The following TRAPPC9 variants were observed in gnomAD, a reference collection of about 807,000 sequenced individuals.
TRAPPC9 encodes the protein trafficking protein particle complex subunit 9, also known as IKK2 binding protein.
TRAPPC9 carries 83 observed loss-of-function variants against 124.0 expected under a neutral mutation model. The ratio of observed to expected loss-of-function variants is 0.67; its 90% CI spans 0.56 to 0.80. TRAPPC9 has a LOEUF of 0.80. Among genes scored for constraint, TRAPPC9 ranks in the 30% least tolerant of loss-of-function variants. The pLI, the probability that TRAPPC9 is intolerant of heterozygous loss-of-function variation, is 0.00. For synonymous variants in TRAPPC9, 638 were observed against 617.5 expected (o/e 1.03, Z -0.49); for missense variants, 1,302 against 1,508.3 (o/e 0.86, Z 2.27).
chr8:140,345,810 C>T lies in TRAPPC9; in HGVS notation c.1495+14240G>A, dbSNP rs772428926. 9.9e-5 allele frequency among the ~76,000 whole-genome samples: 15 copies of T among 152,150 alleles called. No individual in the cohort carries two copies. In the East Asian group the frequency reaches 2.5e-3, roughly 25 times the overall value. ...AGACCTCAGGTTCCTGCAGTCACCA[C>T]GGAAGGGGTCACGGGAGCAGGAAGG... On this transcript the variant is annotated intron_variant, in intron 9 of 22. Transcript: ENST00000438773.
chr8:139,863,530 G>A (rs1158359710), intron 21 of TRAPPC9, among the ~76,000 whole-genome samples: 1 of 152,238 alleles, frequency 6.6e-6, no homozygotes, highest in Non-Finnish European at 1.5e-5. Flanking sequence ...TAACAGGTCA[G>A]GCTCGGGACC....
At chr8:140,389,393 A>C (rs4736178) in intron 7 of TRAPPC9, among the ~76,000 whole-genome samples, 4 of 152,028 alleles carry the variant, frequency 2.6e-5, no homozygotes, top group African/African-American at 9.7e-5. Context: ...AATCCCTCAT[A>C]GGGGGGGTTA....
At chr8:139,971,772 T>C (rs1217468671) in intron 19 of TRAPPC9, among the ~76,000 whole-genome samples, 33 of 34,290 alleles carry the variant, frequency 9.6e-4, no homozygotes, top group African/African-American at 2.9e-3. Context: ...CACATATATA[T>C]ATACACACAC....
Position 140,104,832 on chromosome 8 carries a change from A to T in TRAPPC9, c.2557-80753T>A, listed in dbSNP as rs1217770113. Among the ~76,000 whole-genome samples, 1 of 152,218 alleles carries T rather than the reference A, an allele frequency of 6.6e-6. No homozygotes were observed. Among genetic ancestry groups the T allele is most frequent in the Non-Finnish European group, 1.5e-5 (1 of 68,036 alleles). Reference sequence around the variant, plus strand: ...ATTTCCCAGAGTTGCCTCGAACTGAAGCCTTACTTCCTCTTTCTAACCCTT... The same window carrying T: ...ATTTCCCAGAGTTGCCTCGAACTGATGCCTTACTTCCTCTTTCTAACCCTT... On this transcript the variant is annotated intron_variant, in intron 17 of 22. Transcript: ENST00000438773. This position sits in a 1 kb window ranked among gnomAD's most constrained non-coding sequence, Gnocchi z 4.0.
At chr8:139,732,830 C>G (rs1451502458) in intron 21 of TRAPPC9, among the ~76,000 whole-genome samples, 1 of 152,172 alleles carries the variant, frequency 6.6e-6, no homozygotes, top group Non-Finnish European at 1.5e-5. Flanking sequence ...TGGCACGGTT[C>G]TGGGACCCGT....
chr8:140,060,116 G>A (rs1331242338), intron 17 of TRAPPC9, among the ~76,000 whole-genome samples: 1 of 152,144 alleles, frequency 6.6e-6, no homozygotes, highest in Non-Finnish European at 1.5e-5. Context: ...ATTGGCAGTT[G>A]CGTTACCTGT....
intron 5 of TRAPPC9, among the ~76,000 whole-genome samples, chr8:140,410,141 C>CAAAA (rs61149910): frequency 4.3e-5 from 3 of 70,216 alleles, no homozygotes; most frequent in African/African-American, 9.3e-5. Flanking sequence ...ACCTTGTCTC[C>CAAAA]AAAAAAAAAA....
chr8:140,209,936 TTTAAC>T (rs1312978828), intron 17 of TRAPPC9, among the ~76,000 whole-genome samples: 1 of 152,266 alleles, frequency 6.6e-6, no homozygotes, highest in Non-Finnish European at 1.5e-5. Flanking sequence ...TGATTTGAAT[TTTAAC>T]TTCTACTTAG....
intron 2 of TRAPPC9, among the ~76,000 whole-genome samples, chr8:140,440,802 G>A (rs866091630): frequency 6.6e-6 from 1 of 151,940 alleles, no homozygotes; most frequent in Non-Finnish European, 1.5e-5. Context: ...GCACTCCACA[G>A]GCAACCTTGC....
intron 17 of TRAPPC9, among the ~76,000 whole-genome samples, chr8:140,090,618 C>T (rs1844503723): frequency 1.3e-5 from 2 of 152,258 alleles, no homozygotes; most frequent in Admixed American, 6.5e-5. Context: ...CGTAGAGGTC[C>T]GGGCCAGGCC....
intron 17 of TRAPPC9, chr8:140,040,166 C>T (rs2132024797): frequency 6.6e-6 from 1 of 152,512 alleles, no homozygotes; most frequent in African/African-American, 2.4e-5. Context: ...AGTGCCCAGC[C>T]CACCACCAAC....
At chr8:140,399,368 A>G (rs1432779592) in intron 6 of TRAPPC9, among the ~76,000 whole-genome samples, 1 of 152,234 alleles carries the variant, frequency 6.6e-6, no homozygotes, top group Non-Finnish European at 1.5e-5. Context: ...TAGAAAAGCC[A>G]CAGACACTCA....
At chr8:140,159,839 A>C (rs2061714726) in intron 17 of TRAPPC9, among the ~76,000 whole-genome samples, 4 of 152,204 alleles carry the variant, frequency 2.6e-5, no homozygotes, top group Admixed American at 2.6e-4. Flanking sequence ...CACCGCATCG[A>C]CCACGTTCCT....
At chr8:139,808,984 G>C (rs1824252451) in intron 21 of TRAPPC9, among the ~76,000 whole-genome samples, 1 of 152,328 alleles carries the variant, frequency 6.6e-6, no homozygotes. Context: ...CTTTGCCTAG[G>C]AGTGGATGTG....
chr8:139,871,551 G>A (rs111712391), intron 21 of TRAPPC9, among the ~76,000 whole-genome samples: 1,923 of 152,278 alleles, frequency 0.013, 21 homozygotes, highest in Middle Eastern at 0.031. Flanking sequence ...ATATTTCCTG[G>A]AATCTGAATC....
In TRAPPC9 at chr8:140,023,976, G is replaced by C. The variant is rs755536208; in HGVS notation, c.2660C>G (p.Ser887Cys). 1.9e-6 allele frequency: 3 copies of C among 1,613,984 alleles called. No individual in the cohort carries two copies. The highest frequency in any genetic ancestry group is 1.7e-6 in the Non-Finnish European group (2 of 1,180,020). The stretch of plus-strand genomic sequence containing the variant: ...GGTGCTGACTCGGGTGAAAAATACA[G>C]ACGGCTCGACTTCTACATGCAGCCC... ...SLGLHVEVEP[S>C]VFFTRVSTLP... The change falls in exon 18 of 23, where the codon TCT becomes TGT. Residue 887 changes from serine (S) to cysteine (C), a missense_variant. Transcript: ENST00000438773.
At chr8:140,212,983 C>G (rs1022587838) in intron 17 of TRAPPC9, among the ~76,000 whole-genome samples, 1 of 151,680 alleles carries the variant, frequency 6.6e-6, no homozygotes, top group Admixed American at 6.6e-5. Flanking sequence ...ACAGGAGAAT[C>G]GCTTGAACCC....
chr8:140,166,049 C>G (rs1201158435), intron 17 of TRAPPC9, among the ~76,000 whole-genome samples: 1 of 152,204 alleles, frequency 6.6e-6, no homozygotes, highest in African/African-American at 2.4e-5. Context: ...GCATGCACCG[C>G]AGCACACTCT....
rs1158770436 is a variant in TRAPPC9 at position 140,104,332 on chromosome 8, A to G, written c.2557-80253T>C. Among the ~76,000 whole-genome samples, 20 of 152,146 alleles carry G rather than the reference A, an allele frequency of 1.3e-4. No individual in the cohort carries two copies. The highest frequency in any genetic ancestry group is 1.3e-3 in the Admixed American group (20 of 15,272). On this transcript the variant is annotated intron_variant, in intron 17 of 22. Coordinates refer to ENST00000438773, the MANE Select transcript of TRAPPC9 (RefSeq NM_001160372.4). The surrounding 1 kb of genome is among the most constrained non-coding windows in gnomAD (Gnocchi z 4.0). ...CTTGAAGAACGAGGCATTTTCTAGG[A>G]AGATCAATGAAGAAAGATGTTCTCG...
Sources: allele counts gnomAD v4.1 joint callset (sites outside exome capture counted in the v4.1 genomes callset), GRCh38; gene constraint gnomAD v4.1.1; non-coding constraint Gnocchi (gnomAD v3.1); transcripts MANE v1.5; gene names NCBI Gene and HGNC (gene_info 2026-07-23, HGNC 2026-07-21).